ERAP1: variants seen among roughly 807,000 people sequenced by gnomAD.
ERAP1 encodes the protein adipocyte-derived leucine aminopeptidase.
A neutral mutation model predicts 103.7 loss-of-function variants in ERAP1; 86 were observed. The ratio of observed to expected loss-of-function variants is 0.83; its 90% CI spans 0.70 to 0.99. ERAP1 has a LOEUF of 0.99. ERAP1 is among the 50% of genes least tolerant of loss of function. The probability of loss-of-function intolerance (pLI) is 0.00; values close to 1 mark genes in which losing one functional copy is unlikely to be tolerated. For missense variants in ERAP1, 1,009 were observed against 1,128.4 expected (o/e 0.89, Z 1.52); for synonymous variants, 398 against 402.4 (o/e 0.99, Z 0.13).
At chr5:96,782,942 G>T in intron 15 of ERAP1, 109 bp downstream of exon 15, 3 of 1,053,854 alleles carry the variant, frequency 2.8e-6, no homozygotes, top group Non-Finnish European at 2.9e-6. Context: ...GAAAAGGGCA[G>T]CAGGGGAGAC....
chr5:96,823,503 A>T, the ERAP1 span, among the ~76,000 whole-genome samples: 1 of 152,216 alleles, frequency 6.6e-6, no homozygotes, highest in Non-Finnish European at 1.5e-5. Context: ...TCCACACAGC[A>T]GGCAAAGTTG....
chr5:96,866,684 C>G, the ERAP1 span, among the ~76,000 whole-genome samples: 1 of 152,180 alleles, frequency 6.6e-6, no homozygotes, highest in Non-Finnish European at 1.5e-5. Context: ...CTAGGAGAGA[C>G]CTCGTACATG....
chr5:96,781,257 C>T lies in ERAP1; in HGVS notation c.2448-59G>A. 9 of 1,540,082 alleles carry T rather than the reference C, an allele frequency of 5.8e-6. 1 individual carries two copies. In the South Asian group the frequency reaches 1.0e-4, roughly 18 times the overall value. ...AATAGGTGATGAAACAGTTATGAAT[C>T]ACTGCAATAAAATTACTTGTAAAAG... On this transcript the variant is annotated intron_variant, in intron 16 of 18. Coordinates refer to ENST00000443439, the MANE Select transcript of ERAP1 (RefSeq NM_001040458.3).
chr5:96,902,823 T>C, the ERAP1 span: 1 of 155,348 alleles, frequency 6.4e-6, no homozygotes, highest in Non-Finnish European at 1.4e-5. Context: ...CTCACAGAGT[T>C]GTTGAGAGAA....
chr5:96,914,148 T>TCTCA, the ERAP1 span, among the ~76,000 whole-genome samples: 72,905 of 147,808 alleles, frequency 0.49, 17,727 homozygotes, highest in Admixed American at 0.56. Context: ...TCTCTCTCTC[T>TCTCA]CACACACACA....
At chr5:96,900,213 G>A in the ERAP1 span, 2 of 1,612,884 alleles carry the variant, frequency 1.2e-6, no homozygotes, top group African/African-American at 1.3e-5. Context: ...GAGTCACAGA[G>A]TAGAAGAGAT....
chr5:96,915,470 G>T, the ERAP1 span, among the ~76,000 whole-genome samples: 1 of 124,544 alleles, frequency 8.0e-6, no homozygotes, highest in Non-Finnish European at 1.7e-5. Flanking sequence ...ATTTCCCAAA[G>T]AAGCTGTATC....
In ERAP1 at chr5:96,775,022, TCAGC is replaced by T; in HGVS notation, c.*1370_*1373del. The T allele has an allele frequency of 5.1e-6, 5 of 985,264 alleles. No homozygotes were observed. Among genetic ancestry groups the T allele is most frequent in the Non-Finnish European group, 6.0e-6 (5 of 829,824 alleles). The allele number at this position is 985,264 out of a possible 1,614,324, so 61.0% of individuals were successfully genotyped here. The stretch of plus-strand genomic sequence containing the variant: ...GTGTGAGGATTTCCGCACCTTAGAG[TCAGC>T]GCAAAACACGCTGCAACTTGAATCA... On this transcript the variant is annotated 3_prime_UTR_variant, in exon 19 of 19. Transcript: ENST00000443439.
At chr5:96,917,018 T>C in the ERAP1 span, among the ~76,000 whole-genome samples, 1 of 152,204 alleles carries the variant, frequency 6.6e-6, no homozygotes, top group Non-Finnish European at 1.5e-5. Context: ...AAGTAGAAAA[T>C]AACCTTTTAG....
Position 96,783,854 on chromosome 5 carries a change from C to T in ERAP1, c.2100+70G>A, listed in dbSNP as rs1268232028. 7 of 376,472 alleles carry T rather than the reference C, an allele frequency of 1.9e-5. No individual in the cohort carries two copies. In the Admixed American group the frequency reaches 2.4e-4, roughly 13 times the overall value. 23.3% of individuals were successfully genotyped at this position (376,472 alleles called of 1,614,324 possible). On this transcript the variant is annotated intron_variant, in intron 14 of 18. Transcript: ENST00000443439. The stretch of plus-strand genomic sequence containing the variant: ...ACACACACACACACACACACACACA[C>T]ATACACACACAATGATTAACACTTT...
the ERAP1 span, among the ~76,000 whole-genome samples, chr5:96,824,267 C>G: frequency 6.6e-6 from 1 of 152,198 alleles, no homozygotes; most frequent in Non-Finnish European, 1.5e-5. Flanking sequence ...CAAATTACCT[C>G]AGAAAACACA....
the ERAP1 span, among the ~76,000 whole-genome samples, chr5:96,857,078 C>G: frequency 6.6e-6 from 1 of 152,200 alleles, no homozygotes; most frequent in Non-Finnish European, 1.5e-5. Flanking sequence ...CCAGATGTCT[C>G]CTATACTTTC....
the ERAP1 span, among the ~76,000 whole-genome samples, chr5:96,829,428 T>C: frequency 2.0e-5 from 3 of 152,328 alleles, no homozygotes; most frequent in African/African-American, 4.8e-5. Flanking sequence ...ATTTTCCCCA[T>C]AGCAACAAAT....
chr5:96,878,912 C>T, the ERAP1 span, among the ~76,000 whole-genome samples: 60 of 152,072 alleles, frequency 3.9e-4, 1 homozygote, highest in South Asian at 0.012. Flanking sequence ...TGGACAACAG[C>T]GAGATTCCGT....
At chr5:96,877,010 T>C in the ERAP1 span, among the ~76,000 whole-genome samples, 1 of 152,220 alleles carries the variant, frequency 6.6e-6, no homozygotes, top group African/African-American at 2.4e-5. Context: ...AGCCTCGCTC[T>C]GTCGCCCAGG....
At chr5:96,814,604 T>C in the ERAP1 span, among the ~76,000 whole-genome samples, 1 of 152,304 alleles carries the variant, frequency 6.6e-6, no homozygotes, top group African/African-American at 2.4e-5. Context: ...ATAAGAGATA[T>C]TCATGAGAAA....
chr5:96,799,522 T>C (rs1370452634), intron 3 of ERAP1, among the ~76,000 whole-genome samples: 1 of 152,182 alleles, frequency 6.6e-6, no homozygotes, highest in Non-Finnish European at 1.5e-5. Flanking sequence ...TGTAGCATCT[T>C]TGTGGCGCTT....
chr5:96,802,842 G>A (rs1163984105), intron 2 of ERAP1, among the ~76,000 whole-genome samples: 1 of 152,014 alleles, frequency 6.6e-6, no homozygotes, highest in Non-Finnish European at 1.5e-5. Context: ...TGGAGACTGG[G>A]ACATAGGAAA....
At chr5:96,794,002 A>G (rs1037670713) in intron 5 of ERAP1, 45 bp from the exon 6 acceptor site, 1 of 1,594,162 alleles carries the variant, frequency 6.3e-7, no homozygotes, top group African/African-American at 1.3e-5. Context: ...TCTAAGCTAT[A>G]CATTCTCCCA....
Sources: allele counts gnomAD v4.1 joint callset (sites outside exome capture counted in the v4.1 genomes callset), GRCh38; gene constraint gnomAD v4.1.1; transcripts MANE v1.5; gene names NCBI Gene and HGNC (gene_info 2026-07-23, HGNC 2026-07-21).